The following PSMA1 variants were observed in gnomAD, a reference collection of about 807,000 sequenced individuals.
PSMA1 encodes the protein proteasome 20S subunit alpha 1, also known as proteasome subunit alpha type-1.
In PSMA1, 3 loss-of-function variants were observed where a neutral mutation model predicts 38.4. That is an observed-to-expected ratio of 0.08 (90% CI 0.04 to 0.20). PSMA1 has a LOEUF of 0.20. Ranked by LOEUF, PSMA1 falls within the 10% of genes least tolerant of loss-of-function variation. The pLI is 1.00. For synonymous variants in PSMA1, 101 were observed against 107.1 expected (o/e 0.94, Z 0.35); for missense variants, 227 against 325.3 (o/e 0.70, Z 2.32).
At chr11:14,626,135 C>CTT (rs375741630) in intron 1 of PSMA1, among the ~76,000 whole-genome samples, 14,617 of 142,016 alleles carry the variant, frequency 0.1, 977 homozygotes, top group Middle Eastern at 0.14. Context: ...TGTTCTTTCA[C>CTT]TTTTTTTTTT....
At chr11:14,639,139 G>T (rs1170586626) in intron 1 of PSMA1, among the ~76,000 whole-genome samples, 1 of 152,116 alleles carries the variant, frequency 6.6e-6, no homozygotes, top group Non-Finnish European at 1.5e-5. Context: ...CACAGCCAAA[G>T]AATTCAGGTA....
intron 2 of PSMA1, among the ~76,000 whole-genome samples, chr11:14,579,615 C>A (rs957986657): frequency 6.7e-6 from 1 of 150,016 alleles, no homozygotes; most frequent in Non-Finnish European, 1.5e-5. Flanking sequence ...AATATAAATG[C>A]AGATTTTGTA....
At chr11:14,629,316 C>G (rs961345199) in intron 1 of PSMA1, among the ~76,000 whole-genome samples, 7 of 152,140 alleles carry the variant, frequency 4.6e-5, no homozygotes, top group African/African-American at 1.7e-4. Context: ...ACGTTTAAGT[C>G]TTTAATCCAT....
chr11:14,549,620 G>A (rs1163242265), intron 2 of PSMA1, among the ~76,000 whole-genome samples: 3 of 150,222 alleles, frequency 2.0e-5, no homozygotes, highest in Non-Finnish European at 2.9e-5. Context: ...AGAATGGTGC[G>A]AACCTGGGAG....
intron 2 of PSMA1, among the ~76,000 whole-genome samples, chr11:14,595,539 C>A (rs1852479355): frequency 6.6e-6 from 1 of 152,202 alleles, no homozygotes; most frequent in Non-Finnish European, 1.5e-5. Flanking sequence ...CTGTTGGCTG[C>A]ATAGATGTCT....
chr11:14,596,693 G>A (rs971138270), intron 2 of PSMA1, among the ~76,000 whole-genome samples: 2 of 152,172 alleles, frequency 1.3e-5, no homozygotes, highest in African/African-American at 4.8e-5. Flanking sequence ...TCTGCAAACA[G>A]GTACAATTTG....
intron 2 of PSMA1, among the ~76,000 whole-genome samples, chr11:14,570,453 A>C (rs1467475091): frequency 6.6e-6 from 1 of 152,206 alleles, no homozygotes; most frequent in African/African-American, 2.4e-5. Context: ...CATTGCAAAG[A>C]AGCTAAAAAC....
chr11:14,556,614 G>A (rs1209349057), intron 2 of PSMA1, among the ~76,000 whole-genome samples: 1 of 151,954 alleles, frequency 6.6e-6, no homozygotes, highest in African/African-American at 2.4e-5. Flanking sequence ...ATCAGCTTCA[G>A]GCATCTTATT....
chr11:14,512,429 A>G (rs1283165416), intron 7 of PSMA1, among the ~76,000 whole-genome samples: 3 of 152,188 alleles, frequency 2.0e-5, no homozygotes, highest in African/African-American at 7.2e-5. Context: ...TTCCATGTTC[A>G]TGGATCAGAT....
At position 14,592,376 on chromosome 11, in the gene PSMA1, C is replaced by CTCTCTA. The variant is rs1201045926; in HGVS notation, c.21+18589_21+18590insTAGAGA. Among the ~76,000 whole-genome samples, 1,163 of 122,346 alleles carry CTCTCTA rather than the reference C, an allele frequency of 9.5e-3. 9 individuals carry two copies. Among genetic ancestry groups the CTCTCTA allele is most frequent in the Non-Finnish European group, 0.015 (911 of 59,382 alleles). 80.3% of individuals were successfully genotyped at this position (122,346 alleles called of 152,430 possible). ...ACAGTCTCTCTCTCTCTCTCTCTCTCTATATATATATATATATATTTTTTT... is the reference window on the plus strand; with the variant it reads ...ACAGTCTCTCTCTCTCTCTCTCTCTCTCTCTATATATATATATATATATATTTTTTT... On this transcript the variant is annotated intron_variant, in intron 2 of 10. Transcript: ENST00000418988.
intron 1 of PSMA1, among the ~76,000 whole-genome samples, chr11:14,629,700 G>T (rs377599009): frequency 2.0e-3 from 298 of 151,974 alleles, no homozygotes; most frequent in African/African-American, 5.7e-3. Context: ...TCCAATTCTG[G>T]GAAGAAAGTC....
chr11:14,611,013 T>C (rs753727271), exon 2 of PSMA1: 33 of 1,608,980 alleles, frequency 2.1e-5, no homozygotes, highest in South Asian at 1.4e-4. Flanking sequence ...AGTCACCTAG[T>C]AGACCAACAT....
chr11:14,567,291 T>C (rs529461082), intron 2 of PSMA1, among the ~76,000 whole-genome samples: 1 of 152,306 alleles, frequency 6.6e-6, no homozygotes, highest in South Asian at 2.1e-4. Context: ...CTATTTTAGC[T>C]AGTGTGAGTA....
chr11:14,589,365 A>ATATG lies in PSMA1; in HGVS notation c.21+21600_21+21601insCATA, dbSNP rs1554971452. Among the ~76,000 whole-genome samples the ATATG allele has an allele frequency of 2.8e-3, 410 of 147,636 alleles. 3 individuals are homozygous for ATATG. The highest frequency in any genetic ancestry group is 7.0e-3 in the Middle Eastern group (2 of 286). On this transcript the variant is annotated intron_variant, in intron 2 of 10. Coordinates refer to the PSMA1 transcript ENST00000418988. ...TATGTGTGTGTGTATATATATATAT[A>ATATG]TGTGTGTGTGTGTGTGTGTATATAT...
At chr11:14,632,661 C>T (rs1329160273) in intron 1 of PSMA1, among the ~76,000 whole-genome samples, 18 of 147,666 alleles carry the variant, frequency 1.2e-4, no homozygotes, top group African/African-American at 4.0e-4. Context: ...TTGCTCTTCT[C>T]GAGGAGTATC....
chr11:14,512,175 G>A (rs1258111139), intron 7 of PSMA1, among the ~76,000 whole-genome samples: 2 of 152,158 alleles, frequency 1.3e-5, no homozygotes, highest in African/African-American at 4.8e-5. Flanking sequence ...GGGAGTTTGA[G>A]ACCAGCCTGA....
chr11:14,543,398 T>A (rs1456518139), intron 2 of PSMA1, among the ~76,000 whole-genome samples: 1 of 152,212 alleles, frequency 6.6e-6, no homozygotes, highest in East Asian at 1.9e-4. Context: ...TTTTGAAAGA[T>A]AGCTTTATTG....
chr11:14,556,603 T>C (rs1447070038), intron 2 of PSMA1, among the ~76,000 whole-genome samples: 1 of 152,172 alleles, frequency 6.6e-6, no homozygotes, highest in Non-Finnish European at 1.5e-5. Flanking sequence ...TAAAAGGCCA[T>C]ATCAGCTTCA....
intron 2 of PSMA1, among the ~76,000 whole-genome samples, chr11:14,587,862 T>C (rs777524657): frequency 2.6e-5 from 4 of 152,236 alleles, no homozygotes; most frequent in African/African-American, 4.8e-5. Context: ...ATATACTCCC[T>C]GACAGCATAG....
Sources: allele counts gnomAD v4.1 joint callset (sites outside exome capture counted in the v4.1 genomes callset), GRCh38; gene constraint gnomAD v4.1.1; transcripts MANE v1.5; gene names NCBI Gene and HGNC (gene_info 2026-07-23, HGNC 2026-07-21).